The following PXDNL variants were observed in gnomAD, a reference collection of about 807,000 sequenced individuals.
PXDNL encodes the protein probable oxidoreductase PXDNL.
In PXDNL, 145 loss-of-function variants were observed where a neutral mutation model predicts 150.8. The observed-to-expected ratio is 0.96, with a 90% CI of 0.84 to 1.10. The LOEUF (loss-of-function observed/expected upper bound fraction) is 1.10, where lower values mean the gene tolerates loss of function less well. Among genes scored for constraint, PXDNL ranks in the 50% least tolerant of loss-of-function variants. The pLI, the probability that PXDNL is intolerant of heterozygous loss-of-function variation, is 0.00. For synonymous variants in PXDNL, 757 were observed against 725.7 expected (o/e 1.04, Z -0.69); for missense variants, 2,087 against 1,873.9 (o/e 1.11, Z -2.10).
intron 2 of PXDNL, among the ~76,000 whole-genome samples, chr8:51,600,611 A>G (rs1270963505): frequency 5.8e-5 from 8 of 136,976 alleles, no homozygotes; most frequent in African/African-American, 1.9e-4. Flanking sequence ...TCGTTTAGAT[A>G]ATAAATTATA....
At chr8:51,339,521 TCTGATA>T (rs1805928211) in intron 21 of PXDNL, 97 bp downstream of exon 21, 1 of 1,199,894 alleles carries the variant, frequency 8.3e-7, no homozygotes. Flanking sequence ...TTTTTATTAT[TCTGATA>T]CTGTGCTGTA....
intron 8 of PXDNL, among the ~76,000 whole-genome samples, chr8:51,459,739 A>C (rs1810025584): frequency 6.6e-6 from 1 of 152,228 alleles, no homozygotes; most frequent in African/African-American, 2.4e-5. Flanking sequence ...CATATGTAAA[A>C]ACACAAAGGT....
chr8:51,692,273 T>C (rs1816020374), intron 1 of PXDNL, among the ~76,000 whole-genome samples: 1 of 152,076 alleles, frequency 6.6e-6, no homozygotes, highest in African/African-American at 2.4e-5. Flanking sequence ...TTCTCAAAAA[T>C]CTCTTTCCAA....
intron 10 of PXDNL, among the ~76,000 whole-genome samples, chr8:51,451,703 T>A (rs1352254385): frequency 1.3e-5 from 2 of 152,164 alleles, no homozygotes; most frequent in African/African-American, 4.8e-5. Context: ...AGGAAGTTTA[T>A]CTGTGGATAA....
At chr8:51,409,637 C>T in intron 16 of PXDNL, 76 bp from the exon 17 acceptor site, 1 of 1,266,154 alleles carries the variant, frequency 7.9e-7, no homozygotes, top group Non-Finnish European at 1.1e-6. Context: ...CCAGATGCTG[C>T]GGGAACCACC....
intron 2 of PXDNL, among the ~76,000 whole-genome samples, chr8:51,643,020 A>C (rs199983186): frequency 2.0e-5 from 3 of 152,122 alleles, no homozygotes; most frequent in East Asian, 1.9e-4. Flanking sequence ...GAACTACAAA[A>C]CACTGCTCAA....
At chr8:51,731,324 T>C (rs996529929) in intron 1 of PXDNL, among the ~76,000 whole-genome samples, 6 of 152,226 alleles carry the variant, frequency 3.9e-5, no homozygotes, top group Non-Finnish European at 7.3e-5. Context: ...AGTCAAATCT[T>C]AAAGCTGCAA....
rs554463788 is a variant in PXDNL at position 51,456,841 on chromosome 8, C to T, written c.982+657G>A. 1.6e-4 allele frequency among the ~76,000 whole-genome samples: 24 copies of T among 152,288 alleles called. 1 individual carries two copies. In the South Asian group the frequency reaches 4.8e-3, roughly 30 times the overall value. On this transcript the variant is annotated intron_variant, in intron 9 of 22. Transcript: ENST00000356297. ...ATCAGGGCTCCCTGCTCCTCAGAGC[C>T]AATTTACAAACATTTACCAGCACAC...
chr8:51,433,331 A>C (rs763715990), intron 12 of PXDNL, among the ~76,000 whole-genome samples: 1 of 151,696 alleles, frequency 6.6e-6, no homozygotes, highest in East Asian at 1.9e-4. Context: ...TGTAGAAAAT[A>C]TTTTATTTCT....
chr8:51,464,446 G>T (rs1810158046), intron 8 of PXDNL, among the ~76,000 whole-genome samples: 2 of 101,354 alleles, frequency 2.0e-5, no homozygotes, highest in South Asian at 3.4e-4. Context: ...CATTGGAAAG[G>T]ATAAAGAGGA....
At chr8:51,696,784 TACCCAC>T (rs1355997652) in intron 1 of PXDNL, among the ~76,000 whole-genome samples, 53 of 7,418 alleles carry the variant, frequency 7.1e-3, no homozygotes, top group Middle Eastern at 0.056. Context: ...TCCACACACA[TACCCAC>T]CCACACATAG....
intron 3 of PXDNL, among the ~76,000 whole-genome samples, chr8:51,577,606 A>ATATATATG (rs543052856): frequency 0.023 from 3,326 of 147,518 alleles, 121 homozygotes; most frequent in African/African-American, 0.078. Flanking sequence ...ATATATATAT[A>ATATATATG]TATAATCAGG....
At chr8:51,719,630 T>A (rs1282878473) in intron 1 of PXDNL, among the ~76,000 whole-genome samples, 4 of 146,956 alleles carry the variant, frequency 2.7e-5, no homozygotes, top group Non-Finnish European at 6.0e-5. Flanking sequence ...CACCCAAGAA[T>A]GATCAATTTA....
At chr8:51,667,477 G>T (rs982356262) in intron 1 of PXDNL, among the ~76,000 whole-genome samples, 1 of 152,054 alleles carries the variant, frequency 6.6e-6, no homozygotes, top group African/African-American at 2.4e-5. Flanking sequence ...TACTACTTAC[G>T]CAAAAATAGT....
chr8:51,767,889 T>G (rs2037249051), intron 1 of PXDNL, among the ~76,000 whole-genome samples: 1 of 152,204 alleles, frequency 6.6e-6, no homozygotes, highest in African/African-American at 2.4e-5. Context: ...CAGAGATAAT[T>G]ATGAGTCAAG....
At chr8:51,719,864 C>T (rs113798321) in intron 1 of PXDNL, among the ~76,000 whole-genome samples, 12 of 152,016 alleles carry the variant, frequency 7.9e-5, no homozygotes, top group African/African-American at 1.4e-4. Context: ...GATCAGTAAG[C>T]GGTGCGCTTA....
chr8:51,711,056 C>A (rs569223101), intron 1 of PXDNL, among the ~76,000 whole-genome samples: 1 of 152,242 alleles, frequency 6.6e-6, no homozygotes, highest in Non-Finnish European at 1.5e-5. Context: ...ATATCCAAAT[C>A]AGAAATGAAG....
chr8:51,339,485 A>G lies in PXDNL; in HGVS notation c.4146+139T>C, dbSNP rs988722607. On this transcript the variant is annotated intron_variant, in intron 21 of 22. Coordinates refer to ENST00000356297, the MANE Select transcript of PXDNL (RefSeq NM_144651.5). ...AAAAAAGCAAAAGTAAAAACAAAAA[A>G]AAAGCAATACAACTCCCTGTATAGG... The G allele has an allele frequency of 5.9e-6, 5 of 846,304 alleles. No homozygotes were observed. In the African/African-American group the frequency reaches 8.8e-5, roughly 15 times the overall value. The allele number at this position is 846,304 out of a possible 1,614,324, so 52.4% of individuals were successfully genotyped here.
intron 2 of PXDNL, among the ~76,000 whole-genome samples, chr8:51,611,521 G>T (rs1287980338): frequency 1.3e-5 from 2 of 152,176 alleles, no homozygotes. Context: ...CAAAGCTTCT[G>T]CCTTCAACAA....
Sources: allele counts gnomAD v4.1 joint callset (sites outside exome capture counted in the v4.1 genomes callset), GRCh38; gene constraint gnomAD v4.1.1; transcripts MANE v1.5; gene names NCBI Gene and HGNC (gene_info 2026-07-23, HGNC 2026-07-21).